Variants in GIMAP2 observed in about 807,000 individuals in gnomAD.
GIMAP2 encodes the protein GTPase, IMAP family member 2.
Under a neutral mutation model 25.5 loss-of-function variants are expected in GIMAP2, and 22 were observed. That is an observed-to-expected ratio of 0.86 (90% confidence interval 0.62 to 1.23). The LOEUF is 1.23. GIMAP2 is among the 50% of genes most tolerant of loss of function. The pLI, the probability that GIMAP2 is intolerant of heterozygous loss-of-function variation, is 0.00. For synonymous variants in GIMAP2, 167 were observed against 143.0 expected (o/e 1.17, Z -1.20); for missense variants, 422 against 395.7 (o/e 1.07, Z -0.56).
chr7:150,689,566 C>T (rs1372151778), intron 2 of GIMAP2: 4 of 702,538 alleles, frequency 5.7e-6, no homozygotes, highest in Admixed American at 2.0e-5. Flanking sequence ...TGCTTGGCTG[C>T]TGTTTTCAGA....
intron 2 of GIMAP2, 134 bp from the exon 3 acceptor site, chr7:150,692,181 C>G (rs759004026): frequency 2.6e-6 from 2 of 782,382 alleles, no homozygotes; most frequent in Non-Finnish European, 4.0e-6. Context: ...CCCGAGATCA[C>G]GCCATTGCAC....
rs996379737 is a variant in GIMAP2 at position 150,685,762 on chromosome 7, C to T, written c.-32C>T. 5.1e-6 allele frequency: 5 copies of T among 984,030 alleles called. No individual in the cohort carries two copies. The African/African-American group carries it at 8.7e-5, about 17-fold the overall frequency. 61.0% of individuals were successfully genotyped at this position (984,030 alleles called of 1,614,324 possible). ...ACAACAGGACTGAACAGGGAGCCAA[C>T]TGTTTCTTTGAACAGTAAATCAGGT... On this transcript the variant is annotated 5_prime_UTR_variant, in exon 1 of 3. Transcript: ENST00000223293.
intron 2 of GIMAP2, chr7:150,687,346 C>T (rs1278198036): frequency 1.1e-5 from 4 of 358,026 alleles, no homozygotes; most frequent in Non-Finnish European, 2.0e-5. Context: ...AATCTCGGCT[C>T]ACTGCAACCT....
chr7:150,687,270 G>C, intron 2 of GIMAP2, 183 bp downstream of exon 2: 1 of 566,638 alleles, frequency 1.8e-6, no homozygotes. Context: ...TTCTTTGTTT[G>C]TTTGTTTGTT....
chr7:150,693,058 G>A lies in GIMAP2; in HGVS notation c.772G>A (p.Glu258Lys). The A allele has an allele frequency of 2.5e-6, 4 of 1,614,166 alleles. No individual in the cohort carries two copies. Among genetic ancestry groups the A allele is most frequent in the Non-Finnish European group, 3.4e-6 (4 of 1,179,970 alleles). Residue 258 changes from glutamate (E) to lysine (K), a missense_variant, in exon 3 of 3, where the codon GAA becomes AAA. Coordinates refer to ENST00000223293, the MANE Select transcript of GIMAP2 (RefSeq NM_015660.3). ...ETQRSYTALA[E>K]ANCLKGALIK... ...TCAAAGAAGTTACACAGCCTTGGCT[G>A]AAGCAAACTGCCTAAAAGGAGCCTT... is the stretch of plus-strand genomic sequence containing the variant.
In GIMAP2 at chr7:150,693,104, T is replaced by A; in HGVS notation, c.818T>A (p.Val273Asp). The change falls in exon 3 of 3, where the codon GTT becomes GAT. Residue 273 changes from valine to aspartate, a missense_variant. Transcript: ENST00000223293. ...KGALIKTQLC[V>D]LFCIQLFLRL... ...GCCTTAATCAAAACACAACTGTGTG[T>A]TTTATTTTGTATTCAGTTGTTTCTC... 6.2e-7 allele frequency: 1 copy of A among 1,613,306 alleles called. No homozygotes were observed. The highest frequency in any genetic ancestry group is 1.7e-4 in the Middle Eastern group (1 of 6,054).
intron 2 of GIMAP2, chr7:150,689,797 G>A: frequency 2.4e-6 from 1 of 410,492 alleles, no homozygotes; most frequent in Non-Finnish European, 4.3e-6. Context: ...AAACGGGCAG[G>A]TTCAAATGCC....
chr7:150,690,169 A>C (rs999405633), intron 2 of GIMAP2, among the ~76,000 whole-genome samples: 7 of 152,144 alleles, frequency 4.6e-5, no homozygotes, highest in Non-Finnish European at 1.0e-4. Context: ...GGAATCTGGA[A>C]GCTAAACCCC....
At chr7:150,687,457 A>G (rs190153110) in intron 2 of GIMAP2, 21 of 176,642 alleles carry the variant, frequency 1.2e-4, no homozygotes, top group Middle Eastern at 2.3e-3. Flanking sequence ...TTGTATTTTT[A>G]GTAGAGACGG....
At chr7:150,687,142 GTGTGTGTGTGTGTT>G in intron 2 of GIMAP2, 55 bp downstream of exon 2, 2 of 1,075,166 alleles carry the variant, frequency 1.9e-6, no homozygotes, top group Non-Finnish European at 2.8e-6. Context: ...GTGTGTGTGT[GTGTGTGTGTGTGTT>G]TGGCTCTTCT....
Position 150,693,436 on chromosome 7 carries a change from A to C in GIMAP2, c.*136A>C. The C allele has an allele frequency of 1.7e-6, 1 of 576,442 alleles. No individual in the cohort carries two copies. The highest frequency in any genetic ancestry group is 3.0e-6 in the Non-Finnish European group (1 of 336,194). 35.7% of individuals were successfully genotyped at this position (576,442 alleles called of 1,614,324 possible). A position where few individuals can be genotyped will look rare whatever the true frequency, so the allele number is the denominator to read the frequency against. On this transcript the variant is annotated 3_prime_UTR_variant, in exon 3 of 3. Transcript: ENST00000223293. ...AATCTGAACATCACTCCAATTATTA[A>C]TGAACCAAATCATACGATAAGTTAC...
At chr7:150,687,136 GT>G in intron 2 of GIMAP2, 49 bp downstream of exon 2, 1 of 1,247,758 alleles carries the variant, frequency 8.0e-7, no homozygotes, top group Non-Finnish European at 1.2e-6. Context: ...GTGTGTGTGT[GT>G]GTGTGTGTGT....
chr7:150,692,440 C>T lies in GIMAP2; in HGVS notation c.154C>T (p.Leu52=), dbSNP rs1219627854. 1.2e-6 allele frequency: 2 copies of T among 1,614,172 alleles called. No homozygotes were observed. Among genetic ancestry groups the T allele is most frequent in the South Asian group, 2.2e-5 (2 of 91,084 alleles). The stretch of plus-strand genomic sequence containing the variant: ...CAGGAAGCAAGCATTTGAATCGAAG[C>T]TGGGTTCCCAGACCTTGACTAAGAC... ...ILRKQAFESK[L]GSQTLTKTCS... is the part of the protein sequence containing the mutation. Residue 52 remains leucine (L), a synonymous_variant, in exon 3 of 3, where the codon CTG becomes TTG. Transcript: ENST00000223293.
chr7:150,692,699 TGG>T lies in GIMAP2; in HGVS notation c.415_416del (p.Gly139ThrfsTer26), dbSNP rs749632810. 4.3e-5 allele frequency: 69 copies of T among 1,614,082 alleles called. No individual in the cohort carries two copies. Among genetic ancestry groups the T allele is most frequent in the Non-Finnish European group, 5.8e-5 (69 of 1,180,050 alleles). On this transcript the variant is annotated frameshift_variant, in exon 3 of 3. Transcript: ENST00000223293. LOFTEE classifies it high-confidence loss of function. ...AAGGAGATCTTTGGAGAGGATGCCA[TGG>T]GACACACAATTGTCCTCTTTACCCA...
At chr7:150,687,177 G>C (rs1018398085) in intron 2 of GIMAP2, 90 bp downstream of exon 2, 2 of 1,152,796 alleles carry the variant, frequency 1.7e-6, no homozygotes, top group South Asian at 1.3e-5. Flanking sequence ...GATGATGTTG[G>C]GGCAAAATAA....
At chr7:150,687,382 C>G in intron 2 of GIMAP2, 1 of 283,904 alleles carries the variant, frequency 3.5e-6, no homozygotes, top group Non-Finnish European at 6.6e-6. Flanking sequence ...AAGTGATTCT[C>G]CTGCCTCAGC....
In GIMAP2 at chr7:150,693,398, T is replaced by C. The variant is rs992479131; in HGVS notation, c.*98T>C. On this transcript the variant is annotated 3_prime_UTR_variant, in exon 3 of 3. Transcript: ENST00000223293. Reference sequence around the variant, plus strand: ...GTACCTGAAGTCATATTTGAGATTCTATGAAATGTTTAAATCTGAACATCA... The same window carrying C: ...GTACCTGAAGTCATATTTGAGATTCCATGAAATGTTTAAATCTGAACATCA... 6.0e-4 allele frequency: 444 copies of C among 742,078 alleles called. 5 individuals carry two copies. The highest frequency in any genetic ancestry group is 1.1e-4 in the Non-Finnish European group (51 of 469,708). The allele number at this position is 742,078 out of a possible 1,614,324, so 46.0% of individuals were successfully genotyped here.
chr7:150,689,548 T>C, intron 2 of GIMAP2: 1 of 702,996 alleles, frequency 1.4e-6, no homozygotes, highest in Non-Finnish European at 2.6e-6. Flanking sequence ...GCGCGGTGTA[T>C]CAGGAGCTGC....
At chr7:150,692,022 G>A (rs1361950039) in intron 2 of GIMAP2, among the ~76,000 whole-genome samples, 1 of 150,980 alleles carries the variant, frequency 6.6e-6, no homozygotes, top group Non-Finnish European at 1.5e-5. Flanking sequence ...GATGTCAGGA[G>A]ATCGATACCA....
Sources: allele counts gnomAD v4.1 joint callset (sites outside exome capture counted in the v4.1 genomes callset), GRCh38; gene constraint gnomAD v4.1.1; transcripts MANE v1.5; gene names NCBI Gene and HGNC (gene_info 2026-07-23, HGNC 2026-07-21).